LRRTM4: variants seen among roughly 807,000 people sequenced by gnomAD.
LRRTM4 encodes leucine-rich repeat transmembrane neuronal protein 4.
Under a neutral mutation model 47.6 loss-of-function variants are expected in LRRTM4, and 25 were observed. The observed-to-expected ratio is 0.53, with a 90% CI of 0.38 to 0.73. The LOEUF (loss-of-function observed/expected upper bound fraction) is 0.73. Ranked by LOEUF, LRRTM4 falls within the 30% of genes least tolerant of loss-of-function variation. The pLI, the probability that LRRTM4 is intolerant of heterozygous loss-of-function variation, is 0.00. For synonymous variants in LRRTM4, 311 were observed against 269.5 expected, an observed-to-expected ratio of 1.15 and a Z score of -1.51; for missense variants, 638 against 713.4, an observed-to-expected ratio of 0.89 and a Z score of 1.20.
At chr2:77,513,414 C>T (rs985558142) in intron 3 of LRRTM4, among the ~76,000 whole-genome samples, 10 of 152,068 alleles carry the variant, frequency 6.6e-5, no homozygotes, top group Non-Finnish European at 1.2e-4. Context: ...AGCTGAGTCA[C>T]TCGTTTGAGA....
At chr2:76,806,122 A>C (rs1162815365) in intron 3 of LRRTM4, among the ~76,000 whole-genome samples, 1 of 152,194 alleles carries the variant, frequency 6.6e-6, no homozygotes, top group Admixed American at 6.5e-5. Flanking sequence ...AAACATATTT[A>C]AGCACAATAA....
intron 3 of LRRTM4, among the ~76,000 whole-genome samples, chr2:77,329,719 G>C (rs1043469755): frequency 6.6e-6 from 1 of 152,200 alleles, no homozygotes; most frequent in South Asian, 2.1e-4. Context: ...GGATGCACGG[G>C]GACTTCTGGG....
intron 3 of LRRTM4, among the ~76,000 whole-genome samples, chr2:77,442,136 A>G (rs1433821959): frequency 6.6e-6 from 1 of 152,178 alleles, no homozygotes; most frequent in Admixed American, 6.5e-5. Flanking sequence ...GTTGAAATCT[A>G]GTACAGAAGA....
At chr2:77,207,770 A>T (rs1338789048) in intron 3 of LRRTM4, among the ~76,000 whole-genome samples, 1 of 151,472 alleles carries the variant, frequency 6.6e-6, no homozygotes, top group Non-Finnish European at 1.5e-5. Context: ...TTTCAAAATA[A>T]ATTATATTCT....
chr2:77,518,138 A>C (rs1679295235), intron 3 of LRRTM4, 180 bp downstream of exon 3: 2 of 1,287,334 alleles, frequency 1.6e-6, no homozygotes, highest in Non-Finnish European at 2.0e-6. Flanking sequence ...TTAAAAAAAA[A>C]AAAAAAGCAG....
intron 3 of LRRTM4, among the ~76,000 whole-genome samples, chr2:77,211,577 A>G (rs1674294645): frequency 6.6e-6 from 1 of 152,172 alleles, no homozygotes; most frequent in South Asian, 2.1e-4. Context: ...TATTAAGAGT[A>G]TATATTTCTT....
chr2:77,512,148 G>A (rs1679043884), intron 3 of LRRTM4, among the ~76,000 whole-genome samples: 2 of 151,998 alleles, frequency 1.3e-5, no homozygotes, highest in South Asian at 4.1e-4. Context: ...ATTTTCCATG[G>A]TTACGTTTGT....
chr2:76,918,630 T>G (rs915572844), intron 3 of LRRTM4, among the ~76,000 whole-genome samples: 1 of 152,134 alleles, frequency 6.6e-6, no homozygotes. Flanking sequence ...CCCGGAAGCA[T>G]CTGTGTAATC....
Position 77,519,459 on chromosome 2 carries a change from T to C in LRRTM4, c.410A>G (p.Asn137Ser), listed in dbSNP as rs1558782133. 1.9e-6 allele frequency: 3 copies of C among 1,613,354 alleles called. No homozygotes were observed. The highest frequency in any genetic ancestry group is 2.2e-5 in the South Asian group (2 of 91,078). The change falls in exon 3 of 4, where the codon AAT becomes AGT. Residue 137 changes from asparagine to serine, a missense_variant. Asn to Ser is a conservative substitution (Grantham distance 46). Coordinates refer to ENST00000409884, the MANE Select transcript of LRRTM4 (RefSeq NM_001134745.3). This position sits in a 1 kb window ranked among gnomAD's most constrained non-coding sequence, Gnocchi z 4.6. The part of the protein sequence containing the change: ...KTFHPVPNLR[N>S]LDLSYNKLQT... ...AAGCTTATTGTAGGAGAGGTCCAGA[T>C]TGCGGAGATTGGGAACTGGGTGAAA...
At chr2:77,260,718 T>G (rs1026277821) in intron 3 of LRRTM4, among the ~76,000 whole-genome samples, 1 of 152,038 alleles carries the variant, frequency 6.6e-6, no homozygotes, top group Non-Finnish European at 1.5e-5. Flanking sequence ...CATAGGTGAT[T>G]GGGCATTTAC....
intron 3 of LRRTM4, among the ~76,000 whole-genome samples, chr2:77,264,313 G>GGA (rs1280138084): frequency 2.0e-5 from 3 of 151,668 alleles, no homozygotes; most frequent in African/African-American, 2.4e-5. Context: ...CGAGAGAGAG[G>GGA]GAGAGAGAGA....
At chr2:77,075,881 C>G (rs1490271107) in intron 3 of LRRTM4, among the ~76,000 whole-genome samples, 1 of 122,800 alleles carries the variant, frequency 8.1e-6, no homozygotes, top group African/African-American at 3.3e-5. Flanking sequence ...CGCCACTGCA[C>G]TCCAGCCTGG....
intron 3 of LRRTM4, among the ~76,000 whole-genome samples, chr2:77,097,408 T>C (rs1670839632): frequency 6.6e-6 from 1 of 151,964 alleles, no homozygotes; most frequent in Admixed American, 6.6e-5. Flanking sequence ...ATTTGGTAGT[T>C]TGAAAATACA....
intron 3 of LRRTM4, among the ~76,000 whole-genome samples, chr2:77,141,720 A>G (rs1672128348): frequency 6.6e-6 from 1 of 152,200 alleles, no homozygotes; most frequent in Admixed American, 6.5e-5. Context: ...TGCTAAAACC[A>G]TGACATTTGT....
At chr2:76,924,129 CTTAT>C (rs143523990) in intron 3 of LRRTM4, among the ~76,000 whole-genome samples, 1,600 of 152,128 alleles carry the variant, frequency 0.011, 42 homozygotes, top group African/African-American at 0.037. Flanking sequence ...TGAAGACAAA[CTTAT>C]TTATGTCTTT....
At chr2:77,337,690 T>C (rs905129811) in intron 3 of LRRTM4, among the ~76,000 whole-genome samples, 2 of 152,120 alleles carry the variant, frequency 1.3e-5, no homozygotes, top group Non-Finnish European at 2.9e-5. Flanking sequence ...TCCCCAGCCA[T>C]GCAGAACTGT....
At chr2:77,493,111 G>A (rs1678232503) in intron 3 of LRRTM4, among the ~76,000 whole-genome samples, 1 of 151,960 alleles carries the variant, frequency 6.6e-6, no homozygotes, top group African/African-American at 2.4e-5. Flanking sequence ...TCAGTGATCC[G>A]AAACATACTC....
chr2:77,318,100 A>G (rs191130031), intron 3 of LRRTM4, among the ~76,000 whole-genome samples: 4,756 of 140,954 alleles, frequency 0.034, 255 homozygotes, highest in African/African-American at 0.12. Context: ...TCCGCCTCCC[A>G]GGTTCACGCC....
intron 3 of LRRTM4, among the ~76,000 whole-genome samples, chr2:77,478,931 C>A (rs1262333157): frequency 6.6e-6 from 1 of 152,090 alleles, no homozygotes; most frequent in East Asian, 1.9e-4. Context: ...GTCTCACTCT[C>A]TTGCCCAGGT....
Sources: gnomAD v4.1 joint callset for allele counts (sites outside exome capture counted in the v4.1 genomes callset) on GRCh38, gnomAD v4.1.1 for gene constraint, Gnocchi (gnomAD v3.1) non-coding constraint, MANE v1.5 for transcripts, NCBI Gene and HGNC (gene_info 2026-07-23, HGNC 2026-07-21) for gene names.